PRRC2C: variants seen among roughly 807,000 people sequenced by gnomAD.
The protein encoded by PRRC2C is proline rich coiled-coil 2C, also known as protein PRRC2C.
In PRRC2C, 72 loss-of-function variants were observed where a neutral mutation model predicts 317.2. The ratio of observed to expected loss-of-function variants is 0.23; its 90% confidence interval spans 0.19 to 0.28. The LOEUF (loss-of-function observed/expected upper bound fraction) is 0.28. Among genes scored for constraint, PRRC2C ranks in the 10% least tolerant of loss-of-function variants. The pLI is 1.00. For synonymous variants in PRRC2C, 1,296 were observed against 1,205.9 expected, an observed-to-expected ratio of 1.07 and a Z score of -1.55; for missense variants, 3,074 against 3,459.7, an observed-to-expected ratio of 0.89 and a Z score of 2.80.
chr1:171,579,884 T>G lies in PRRC2C; in HGVS notation c.7329T>G (p.His2443Gln), dbSNP rs763733832. The change falls in exon 28 of 35, where the codon CAT (histidine) becomes CAG (glutamine). Residue 2443 changes from histidine to glutamine, a missense_variant. By Grantham distance (24) the His-to-Gln change is conservative (BLOSUM62 0). Coordinates refer to ENST00000647382, the MANE Select transcript of PRRC2C (RefSeq NM_001387844.1). ...IPIYAPLQGQ[H>Q]QAQLSLGAGP... ...TTTATGCACCACTGCAAGGGCAGCA[T>G]CAAGCCCAACTGAGTTTGGGGGCTG... The G allele has an allele frequency of 1.3e-6, 2 of 1,597,496 alleles. No individual in the cohort carries two copies. Among genetic ancestry groups the G allele is most frequent in the Admixed American group, 3.6e-5 (2 of 55,912 alleles).
intron 18 of PRRC2C, 97 bp downstream of exon 18, chr1:171,550,337 T>G: frequency 8.8e-7 from 1 of 1,133,174 alleles, no homozygotes; most frequent in Non-Finnish European, 1.2e-6. Flanking sequence ...CAAGGCTGTT[T>G]TCATTATTCA....
intron 6 of PRRC2C, among the ~76,000 whole-genome samples, chr1:171,521,127 A>C (rs1673472674): frequency 6.6e-6 from 1 of 152,174 alleles, no homozygotes; most frequent in Non-Finnish European, 1.5e-5. Context: ...TTTAGACAGC[A>C]TAATCATATA....
At chr1:171,524,021 G>T (rs575047303) in intron 9 of PRRC2C, among the ~76,000 whole-genome samples, 44 of 149,418 alleles carry the variant, frequency 2.9e-4, no homozygotes, top group African/African-American at 1.0e-3. Context: ...GGGTGACAGA[G>T]CAAGACTGTA....
At chr1:171,530,657 C>T (rs1463104146) in intron 11 of PRRC2C, among the ~76,000 whole-genome samples, 5 of 151,914 alleles carry the variant, frequency 3.3e-5, no homozygotes, top group Non-Finnish European at 7.4e-5. Flanking sequence ...GGCCAGTATG[C>T]ACATGAAAAG....
Position 171,593,309 on chromosome 1 carries a change from G to T in PRRC2C, c.*1462G>T, listed in dbSNP as rs1651769945. 6.7e-6 allele frequency: 1 copy of T among 149,006 alleles called. No homozygotes were observed. The highest frequency in any genetic ancestry group is 2.1e-4 in the South Asian group (1 of 4,722). 9.2% of individuals were successfully genotyped at this position (149,006 alleles called of 1,614,324 possible). On this transcript the variant is annotated 3_prime_UTR_variant, in exon 35 of 35. Coordinates refer to ENST00000647382, the MANE Select transcript of PRRC2C (RefSeq NM_001387844.1). ...ATAATTTGAATTTTTGGAAACTTTA[G>T]CTGTGCTGTCAACTTTGGAAAAAGT...
intron 6 of PRRC2C, among the ~76,000 whole-genome samples, chr1:171,521,974 AT>A (rs1354960715): frequency 6.6e-6 from 1 of 152,162 alleles, no homozygotes; most frequent in African/African-American, 2.4e-5. Flanking sequence ...TATTCTATTT[AT>A]AAAGAGTTGC....
In PRRC2C at chr1:171,485,556, C is replaced by G. The variant is rs955136198; in HGVS notation, c.-237C>G. On this transcript the variant is annotated 5_prime_UTR_variant, in exon 1 of 35. Coordinates refer to ENST00000647382, the MANE Select transcript of PRRC2C (RefSeq NM_001387844.1). ...CCATCTTGCTTCTTTTTCTCGCTCG[C>G]TCGCTCCCCCTCGGAAAGCTGCGAA... 6.5e-6 allele frequency: 1 copy of G among 152,710 alleles called. No individual in the cohort carries two copies. Among genetic ancestry groups the G allele is most frequent in the Non-Finnish European group, 1.5e-5 (1 of 68,088 alleles). The allele number at this position is 152,710 out of a possible 1,614,324, so 9.5% of individuals were successfully genotyped here.
intron 26 of PRRC2C, 146 bp downstream of exon 26, chr1:171,577,783 T>TAA: frequency 2.5e-6 from 2 of 799,932 alleles, no homozygotes; most frequent in Non-Finnish European, 3.7e-6. Context: ...TTTTTTTTTT[T>TAA]TTTTTTTTTT....
intron 1 of PRRC2C, chr1:171,509,844 C>CTTTTTTTTTTTT (rs11363110): frequency 3.3e-5 from 2 of 59,770 alleles, no homozygotes; most frequent in Admixed American, 2.5e-4. Context: ...AACATTGTTT[C>CTTTTTTTTTTTT]TTTTTTTTTT....
At chr1:171,501,009 C>T (rs2102135007) in intron 1 of PRRC2C, among the ~76,000 whole-genome samples, 1 of 152,306 alleles carries the variant, frequency 6.6e-6, no homozygotes, top group Middle Eastern at 3.4e-3. Flanking sequence ...AGCAGTCCTC[C>T]CACCTCAGCC....
At chr1:171,585,068 C>T (rs939005847) in intron 30 of PRRC2C, among the ~76,000 whole-genome samples, 27 of 152,164 alleles carry the variant, frequency 1.8e-4, no homozygotes, top group African/African-American at 6.3e-4. Context: ...TGAGCCACCA[C>T]ACCTGGCTGC....
At chr1:171,564,896 T>C (rs1035784513) in intron 20 of PRRC2C, among the ~76,000 whole-genome samples, 3 of 152,208 alleles carry the variant, frequency 2.0e-5, no homozygotes, top group African/African-American at 7.2e-5. Context: ...TAAATCTGAA[T>C]TGCATGCGTT....
At chr1:171,535,627 T>C in intron 13 of PRRC2C, 30 bp downstream of exon 13, 1 of 1,605,888 alleles carries the variant, frequency 6.2e-7, no homozygotes. Flanking sequence ...ATCATGTATG[T>C]GTGATTGAAG....
chr1:171,486,153 A>G (rs1226984493), intron 1 of PRRC2C, among the ~76,000 whole-genome samples: 1 of 148,460 alleles, frequency 6.7e-6, no homozygotes, highest in Non-Finnish European at 1.5e-5. Context: ...CGTTTCCCCA[A>G]ACAACTGAAG....
At position 171,535,470 on chromosome 1, in the gene PRRC2C, A is replaced by G. The variant is rs755816648; in HGVS notation, c.1916A>G (p.Glu639Gly). Residue 639 changes from glutamate (E) to glycine (G), a missense_variant, in exon 13 of 35, where the codon GAA becomes GGA. By Grantham distance (98) the Glu-to-Gly change is moderately conservative. Coordinates refer to ENST00000647382, the MANE Select transcript of PRRC2C (RefSeq NM_001387844.1). ...ACTAGACAAGACAGCAATCGCAGTGAAAAGGAAGCCACACCAGTGGTGCAT... is the reference window on the plus strand; with the variant it reads ...ACTAGACAAGACAGCAATCGCAGTGGAAAGGAAGCCACACCAGTGGTGCAT... The part of the protein sequence containing the change: ...VFTRQDSNRS[E>G]KEATPVVHET... 46 of 1,613,922 alleles carry G rather than the reference A, an allele frequency of 2.9e-5. No homozygotes were observed. Among genetic ancestry groups the G allele is most frequent in the Non-Finnish European group, 3.9e-5 (46 of 1,179,854 alleles).
chr1:171,583,213 G>T (rs770448100), intron 28 of PRRC2C, among the ~76,000 whole-genome samples: 5 of 152,120 alleles, frequency 3.3e-5, no homozygotes, highest in Non-Finnish European at 7.4e-5. Flanking sequence ...GCCTCAAGCA[G>T]CCCTTTCACC....
intron 1 of PRRC2C, among the ~76,000 whole-genome samples, chr1:171,497,162 A>G (rs1020690036): frequency 6.6e-6 from 1 of 152,194 alleles, no homozygotes. Flanking sequence ...CTTATTCTAT[A>G]TTGTAATGCA....
chr1:171,559,362 T>C (rs896970889), intron 19 of PRRC2C, among the ~76,000 whole-genome samples: 12 of 152,126 alleles, frequency 7.9e-5, no homozygotes, highest in African/African-American at 2.7e-4. Context: ...ATCTGATGAC[T>C]TGAAGCTGAA....
At chr1:171,582,733 A>G (rs897865745) in intron 28 of PRRC2C, among the ~76,000 whole-genome samples, 4 of 152,102 alleles carry the variant, frequency 2.6e-5, no homozygotes, top group Non-Finnish European at 4.4e-5. Flanking sequence ...TGTATAGAGC[A>G]CTTACCATGA....
Sources: gnomAD v4.1 joint callset for allele counts (sites outside exome capture counted in the v4.1 genomes callset) on GRCh38, gnomAD v4.1.1 for gene constraint, MANE v1.5 for transcripts, NCBI Gene and HGNC (gene_info 2026-07-23, HGNC 2026-07-21) for gene names.